CTNNA3: variants seen among roughly 807,000 people sequenced by gnomAD.
The protein encoded by CTNNA3 is catenin alpha-3.
Under a neutral mutation model 95.7 loss-of-function variants are expected in CTNNA3, and 76 were observed. The observed-to-expected ratio is 0.79, with a 90% CI of 0.66 to 0.96. The LOEUF (loss-of-function observed/expected upper bound fraction) is 0.96, where lower values mean the gene tolerates loss of function less well. Ranked by LOEUF, CTNNA3 falls within the 40% of genes least tolerant of loss-of-function variation. The probability of loss-of-function intolerance (pLI) is 0.00; values close to 1 mark genes in which losing one functional copy is unlikely to be tolerated. For missense variants in CTNNA3, 1,191 were observed against 1,089.8 expected (o/e 1.09, Z -1.31); for synonymous variants, 431 against 374.4 (o/e 1.15, Z -1.74).
intron 7 of CTNNA3, among the ~76,000 whole-genome samples, chr10:66,865,675 A>G (rs971036860): frequency 6.6e-6 from 1 of 152,222 alleles, no homozygotes; most frequent in African/African-American, 2.4e-5. Flanking sequence ...TTCACACAAG[A>G]TATTTCCTTT....
At chr10:67,454,763 G>C (rs778517629) in intron 5 of CTNNA3, among the ~76,000 whole-genome samples, 35 of 151,914 alleles carry the variant, frequency 2.3e-4, no homozygotes, top group South Asian at 4.2e-4. Flanking sequence ...GAAAATAAAA[G>C]GTATTAAAGA....
At chr10:67,389,616 G>A (rs1162878872) in intron 5 of CTNNA3, among the ~76,000 whole-genome samples, 5 of 146,718 alleles carry the variant, frequency 3.4e-5, no homozygotes, top group Non-Finnish European at 7.6e-5. Context: ...ATTTTTTTCA[G>A]CACCACACCA....
chr10:66,976,325 T>G (rs1850028843), intron 7 of CTNNA3, among the ~76,000 whole-genome samples: 1 of 152,118 alleles, frequency 6.6e-6, no homozygotes, highest in Admixed American at 6.5e-5. Flanking sequence ...AGACCTGAAA[T>G]TAAGGAACTG....
rs149371596 is a variant in CTNNA3, at chr10:66,440,817, T to A, written c.1532-61465A>T. Among the ~76,000 whole-genome samples, 527 of 152,234 alleles carry A rather than the reference T, an allele frequency of 3.5e-3. 1 individual carries two copies. Among genetic ancestry groups the A allele is most frequent in the African/African-American group, 0.012 (504 of 41,548 alleles). ...AGTTGAGTAAATATAATTAAAGAGA[T>A]TAGATTAGGGCCTGGCACACAATAA... On this transcript the variant is annotated intron_variant, in intron 11 of 17. Coordinates refer to ENST00000433211, the MANE Select transcript of CTNNA3 (RefSeq NM_013266.4).
intron 15 of CTNNA3, among the ~76,000 whole-genome samples, chr10:66,046,997 A>G (rs1010777759): frequency 2.6e-5 from 4 of 152,300 alleles, no homozygotes; most frequent in African/African-American, 7.2e-5. Flanking sequence ...ATAGCCTACC[A>G]ACCAAAAAAA....
chr10:67,225,218 G>C (rs1450602774), intron 5 of CTNNA3, among the ~76,000 whole-genome samples: 3 of 152,122 alleles, frequency 2.0e-5, no homozygotes, highest in Non-Finnish European at 4.4e-5. Context: ...GCCACAGCAA[G>C]ACCCACCCAA....
At chr10:66,102,927 G>T (rs1048706213) in intron 14 of CTNNA3, among the ~76,000 whole-genome samples, 14 of 152,066 alleles carry the variant, frequency 9.2e-5, no homozygotes, top group African/African-American at 2.4e-4. Flanking sequence ...AAGCAGTATG[G>T]AGTGATTCAC....
chr10:67,676,396 G>A (rs1392249902), intron 1 of CTNNA3, among the ~76,000 whole-genome samples: 2 of 152,162 alleles, frequency 1.3e-5, no homozygotes, highest in East Asian at 3.8e-4. Flanking sequence ...TGTCATATTT[G>A]TAAAATATAT....
chr10:66,263,676 T>C (rs1181599193), intron 13 of CTNNA3, among the ~76,000 whole-genome samples: 2 of 151,996 alleles, frequency 1.3e-5, no homozygotes, highest in Non-Finnish European at 2.9e-5. Flanking sequence ...CCAGTGGAAG[T>C]ATGCTGGTCC....
At chr10:67,350,070 A>G (rs1171520626) in intron 5 of CTNNA3, among the ~76,000 whole-genome samples, 1 of 152,128 alleles carries the variant, frequency 6.6e-6, no homozygotes, top group Non-Finnish European at 1.5e-5. Context: ...GCATGTATTG[A>G]GCCCTGACCA....
intron 1 of CTNNA3, among the ~76,000 whole-genome samples, chr10:67,672,534 G>A (rs1203473061): frequency 1.3e-5 from 2 of 152,104 alleles, no homozygotes; most frequent in African/African-American, 4.8e-5. Flanking sequence ...ATTAATTTTT[G>A]TATAAGGTGT....
At chr10:67,126,996 A>G (rs966717612) in intron 7 of CTNNA3, among the ~76,000 whole-genome samples, 5 of 152,212 alleles carry the variant, frequency 3.3e-5, no homozygotes, top group African/African-American at 1.2e-4. Context: ...GAATTCCATC[A>G]AACCTTTTAA....
intron 12 of CTNNA3, among the ~76,000 whole-genome samples, chr10:66,309,658 C>A (rs182970719): frequency 1.5e-5 from 2 of 131,448 alleles, no homozygotes; most frequent in Non-Finnish European, 3.1e-5. Context: ...TGCACTCCAG[C>A]CTAGGCGGCA....
intron 11 of CTNNA3, among the ~76,000 whole-genome samples, chr10:66,512,567 C>G (rs1001123305): frequency 6.6e-6 from 1 of 151,808 alleles, no homozygotes; most frequent in Non-Finnish European, 1.5e-5. Context: ...CATGTTTTTC[C>G]TTAATTGATA....
chr10:66,401,134 A>G, intron 11 of CTNNA3, among the ~76,000 whole-genome samples: 1 of 152,140 alleles, frequency 6.6e-6, no homozygotes, highest in East Asian at 1.9e-4. Flanking sequence ...AGTTCTATAA[A>G]CTTAGATATA....
intron 5 of CTNNA3, among the ~76,000 whole-genome samples, chr10:67,325,498 G>T (rs1564568084): frequency 6.6e-6 from 1 of 152,140 alleles, no homozygotes; most frequent in Admixed American, 6.5e-5. Flanking sequence ...TTACTCAAAA[G>T]TCATTTAGGA....
At chr10:67,685,047 T>C (rs1203786348) in intron 1 of CTNNA3, among the ~76,000 whole-genome samples, 3 of 152,182 alleles carry the variant, frequency 2.0e-5, no homozygotes, top group African/African-American at 7.2e-5. Flanking sequence ...CTCGGCAGTT[T>C]TGGAGAGTCA....
At chr10:67,580,150 A>G (rs1842331696) in intron 3 of CTNNA3, among the ~76,000 whole-genome samples, 1 of 152,186 alleles carries the variant, frequency 6.6e-6, no homozygotes, top group Non-Finnish European at 1.5e-5. Context: ...CCTGAATGGT[A>G]CTGCCTAGGT....
At chr10:66,143,924 A>T (rs35899548) in intron 13 of CTNNA3, among the ~76,000 whole-genome samples, 1 of 152,236 alleles carries the variant, frequency 6.6e-6, no homozygotes, top group Admixed American at 6.5e-5. Flanking sequence ...CTTAATTAAA[A>T]GGATGGCTGC....
Sources: allele counts gnomAD v4.1 joint callset (sites outside exome capture counted in the v4.1 genomes callset), GRCh38; gene constraint gnomAD v4.1.1; transcripts MANE v1.5; gene names NCBI Gene and HGNC (gene_info 2026-07-23, HGNC 2026-07-21).